NUTF2: variants seen among roughly 807,000 people sequenced by gnomAD.
The protein encoded by NUTF2 is placental protein 15.
A neutral mutation model predicts 18.5 loss-of-function variants in NUTF2; 3 were observed. The observed-to-expected ratio is 0.16, with a 90% confidence interval of 0.07 to 0.42. The LOEUF (loss-of-function observed/expected upper bound fraction) is 0.42. Ranked by LOEUF, NUTF2 falls within the 10% of genes least tolerant of loss-of-function variation. NUTF2 has a pLI of 0.99. For synonymous variants in NUTF2, 51 were observed against 57.9 expected (o/e 0.88, Z 0.54); for missense variants, 44 against 160.7 (o/e 0.27, Z 3.93).
rs555907678 is a variant in NUTF2, at chr16:67,854,599, G to C, written c.-30+7614G>C. ...CCAGGACAGAGGAATAGTCCTTTTG[G>C]GGCAAGGGGAGTGAATCCTAAAAGT... On this transcript the variant is annotated intron_variant, in intron 1 of 4. Transcript: ENST00000219169. Among the ~76,000 whole-genome samples, 9 of 152,282 alleles carry C rather than the reference G, an allele frequency of 5.9e-5. No individual in the cohort carries two copies. In the East Asian group the frequency reaches 1.7e-3, roughly 29 times the overall value.
intron 1 of NUTF2, among the ~76,000 whole-genome samples, chr16:67,859,404 C>G (rs2057919558): frequency 6.7e-6 from 1 of 148,768 alleles, no homozygotes; most frequent in African/African-American, 2.5e-5. Flanking sequence ...GGCTAGAGTG[C>G]AATGGCACAA....
At chr16:67,862,002 T>C (rs893774523) in intron 1 of NUTF2, among the ~76,000 whole-genome samples, 5 of 151,948 alleles carry the variant, frequency 3.3e-5, no homozygotes, top group Non-Finnish European at 7.4e-5. Context: ...GTGAGCAGGC[T>C]CTCGGTAGGT....
chr16:67,856,289 T>C (rs2057896561), intron 1 of NUTF2, among the ~76,000 whole-genome samples: 1 of 151,870 alleles, frequency 6.6e-6, no homozygotes, highest in African/African-American at 2.4e-5. Flanking sequence ...ACCTCCCAGG[T>C]TCAAGCAATT....
At chr16:67,852,431 A>G (rs975994882) in intron 1 of NUTF2, among the ~76,000 whole-genome samples, 1 of 147,766 alleles carries the variant, frequency 6.8e-6, no homozygotes, top group African/African-American at 2.5e-5. Flanking sequence ...GTCTCGGCTC[A>G]CTGCAACCCC....
Position 67,871,024 on chromosome 16 carries a change from G to A in NUTF2, c.*111G>A. 2 of 772,384 alleles carry A rather than the reference G, an allele frequency of 2.6e-6. No homozygotes were observed. Among genetic ancestry groups the A allele is most frequent in the African/African-American group, 3.4e-5 (2 of 58,176 alleles). The allele number at this position is 772,384 out of a possible 1,614,324, so 47.8% of individuals were successfully genotyped here. A position where few individuals can be genotyped will look rare whatever the true frequency, so the allele number is the denominator to read the frequency against. ...ATGCACAAATGAGCAGGGCCGCGGTGGGAGTGGGCGCAGTGCGCTGCTGCC... is the reference window on the plus strand; with the variant it reads ...ATGCACAAATGAGCAGGGCCGCGGTAGGAGTGGGCGCAGTGCGCTGCTGCC... On this transcript the variant is annotated 3_prime_UTR_variant, in exon 5 of 5. Transcript: ENST00000219169.
chr16:67,852,443 G>A (rs1053306126), intron 1 of NUTF2, among the ~76,000 whole-genome samples: 2 of 147,400 alleles, frequency 1.4e-5, no homozygotes, highest in Admixed American at 7.0e-5. Context: ...TGCAACCCCC[G>A]CCCTCCGGGT....
At chr16:67,867,939 G>C (rs1055997095) in intron 2 of NUTF2, among the ~76,000 whole-genome samples, 1 of 152,152 alleles carries the variant, frequency 6.6e-6, no homozygotes, top group African/African-American at 2.4e-5. Context: ...TCCCGCCTTG[G>C]CTTCCCAAAG....
chr16:67,867,172 A>G (rs770603477), intron 2 of NUTF2, among the ~76,000 whole-genome samples: 6 of 151,860 alleles, frequency 4.0e-5, no homozygotes, highest in East Asian at 1.9e-4. Flanking sequence ...GGGTTTCACC[A>G]TGTTGGCCAG....
intron 1 of NUTF2, among the ~76,000 whole-genome samples, chr16:67,848,710 C>T (rs544751019): frequency 1.3e-5 from 2 of 151,740 alleles, no homozygotes; most frequent in South Asian, 4.2e-4. Context: ...CCACTGCACT[C>T]CAGCCTGGGC....
At chr16:67,853,925 G>A (rs2057877679) in intron 1 of NUTF2, among the ~76,000 whole-genome samples, 1 of 152,100 alleles carries the variant, frequency 6.6e-6, no homozygotes, top group African/African-American at 2.4e-5. Flanking sequence ...GGGATTATAG[G>A]GAACAGCCAC....
chr16:67,865,303 AC>A, intron 2 of NUTF2, 74 bp downstream of exon 2: 3 of 1,084,294 alleles, frequency 2.8e-6, no homozygotes, highest in Non-Finnish European at 2.8e-6. Context: ...TGTCCAGTTC[AC>A]AAGTTCTGGC....
At chr16:67,850,531 G>A (rs1196953853) in intron 1 of NUTF2, among the ~76,000 whole-genome samples, 2 of 152,072 alleles carry the variant, frequency 1.3e-5, no homozygotes, top group Non-Finnish European at 2.9e-5. Flanking sequence ...TTTGTCTGAG[G>A]TCAGCTAGCC....
At chr16:67,856,346 C>G (rs925917354) in intron 1 of NUTF2, among the ~76,000 whole-genome samples, 3 of 152,044 alleles carry the variant, frequency 2.0e-5, no homozygotes, top group Non-Finnish European at 4.4e-5. Context: ...CACCCACCAC[C>G]ACGCCTGGCA....
In NUTF2 at chr16:67,871,704, G is replaced by A. The variant is rs979089867; in HGVS notation, c.*791G>A. On this transcript the variant is annotated 3_prime_UTR_variant, in exon 5 of 5. Coordinates refer to ENST00000219169, the MANE Select transcript of NUTF2 (RefSeq NM_005796.3). ...TTGGCAAAATGGCTCATCACGTTCA[G>A]GCCCTCCGGGCTGAGTTGTCAGCAG... 1 of 152,322 alleles carries A rather than the reference G, an allele frequency of 6.6e-6. No individual in the cohort carries two copies. The highest frequency in any genetic ancestry group is 1.5e-5 in the Non-Finnish European group (1 of 68,116). The allele number at this position is 152,322 out of a possible 1,614,324, so 9.4% of individuals were successfully genotyped here.
intron 1 of NUTF2, among the ~76,000 whole-genome samples, chr16:67,848,233 G>A (rs915879878): frequency 6.6e-6 from 1 of 152,190 alleles, no homozygotes; most frequent in African/African-American, 2.4e-5. Flanking sequence ...GGGACTAGGG[G>A]AGAGATGGCA....
chr16:67,869,805 A>C (rs754895019), intron 4 of NUTF2, among the ~76,000 whole-genome samples: 4 of 152,240 alleles, frequency 2.6e-5, no homozygotes, highest in Non-Finnish European at 5.9e-5. Flanking sequence ...AAATAAAGCC[A>C]GATTCTGTTT....
intron 1 of NUTF2, among the ~76,000 whole-genome samples, chr16:67,861,124 G>A (rs558506128): frequency 6.3e-4 from 96 of 152,292 alleles, no homozygotes; most frequent in African/African-American, 1.9e-3. Context: ...CTCTGGAGAG[G>A]CCTCCAAATC....
intron 1 of NUTF2, chr16:67,847,646 G>C (rs1380567491): frequency 3.9e-5 from 6 of 152,560 alleles, no homozygotes; most frequent in Admixed American, 3.3e-4. Flanking sequence ...TATGAGGCGG[G>C]AGGGGATTCC....
In NUTF2 at chr16:67,865,091, T is replaced by G; in HGVS notation, c.-29-11T>G. 1 of 1,394,156 alleles carries G rather than the reference T, an allele frequency of 7.2e-7. No homozygotes were observed. Among genetic ancestry groups the G allele is most frequent in the Non-Finnish European group, 1.0e-6 (1 of 983,666 alleles). The allele number at this position is 1,394,156 out of a possible 1,614,324, so 86.4% of individuals were successfully genotyped here. Reference sequence around the variant, plus strand: ...ACCAATGCTTCCCTCCTGGTCTCATTGGTCTTGCAGGTCTCCGTGAGGCCG... The same window carrying G: ...ACCAATGCTTCCCTCCTGGTCTCATGGGTCTTGCAGGTCTCCGTGAGGCCG... On this transcript the variant is annotated splice_polypyrimidine_tract_variant and intron_variant, in intron 1 of 4. Coordinates refer to ENST00000219169, the MANE Select transcript of NUTF2 (RefSeq NM_005796.3).
Sources: allele counts gnomAD v4.1 joint callset (sites outside exome capture counted in the v4.1 genomes callset), GRCh38; gene constraint gnomAD v4.1.1; transcripts MANE v1.5; gene names NCBI Gene and HGNC (gene_info 2026-07-23, HGNC 2026-07-21).